TOPBP1: variants seen among roughly 807,000 people sequenced by gnomAD.
The protein encoded by TOPBP1 is DNA topoisomerase 2-binding protein 1.
A neutral mutation model predicts 167.7 loss-of-function variants in TOPBP1; 28 were observed. The observed-to-expected ratio is 0.17, with a 90% CI of 0.12 to 0.23. TOPBP1 has a LOEUF of 0.23. Ranked by LOEUF, TOPBP1 falls within the 10% of genes least tolerant of loss-of-function variation. TOPBP1 has a pLI of 1.00. For missense variants in TOPBP1, 1,554 were observed against 1,809.6 expected, an observed-to-expected ratio of 0.86 and a Z score of 2.56; for synonymous variants, 598 against 611.4, an observed-to-expected ratio of 0.98 and a Z score of 0.32.
At chr3:133,629,458 T>C (rs1382856677) in intron 14 of TOPBP1, among the ~76,000 whole-genome samples, 1 of 152,152 alleles carries the variant, frequency 6.6e-6, no homozygotes, top group Non-Finnish European at 1.5e-5. Context: ...GTGCAGTGGC[T>C]CCTGTCAGTA....
intron 6 of TOPBP1, among the ~76,000 whole-genome samples, chr3:133,654,242 C>T (rs1047128473): frequency 3.2e-4 from 48 of 152,228 alleles, no homozygotes; most frequent in Middle Eastern, 3.4e-3. Flanking sequence ...TAATAAATCC[C>T]AACTTTGAAC....
chr3:133,604,198 G>A lies in TOPBP1; in HGVS notation c.4426-2805C>T, dbSNP rs145897712. Among the ~76,000 whole-genome samples the A allele has an allele frequency of 9.1e-3, 1,378 of 151,794 alleles. 27 individuals are homozygous for A. Among genetic ancestry groups the A allele is most frequent in the African/African-American group, 0.029 (1,221 of 41,414 alleles). On this transcript the variant is annotated intron_variant, in intron 27 of 27. Transcript: ENST00000260810. ...TGCCCAAGCTGGAGTGCAGTGGCGT[G>A]ATCTCGTCTCACTGCAACCTCTGCC...
chr3:133,653,558 T>C (rs750054272), intron 6 of TOPBP1, 34 bp from the exon 7 acceptor site: 2 of 1,463,648 alleles, frequency 1.4e-6, no homozygotes, highest in Non-Finnish European at 1.8e-6. Flanking sequence ...ATAGAGAAAA[T>C]AGGAGAAACC....
In TOPBP1 at chr3:133,608,951, A is replaced by T; in HGVS notation, c.4185T>A (p.Ser1395Arg). 1 of 1,611,400 alleles carries T rather than the reference A, an allele frequency of 6.2e-7. No individual in the cohort carries two copies. The highest frequency in any genetic ancestry group is 8.5e-7 in the Non-Finnish European group (1 of 1,179,062). The change falls in exon 26 of 28, where the codon AGT becomes AGA. Residue 1395 changes from serine to arginine, a missense_variant. This residue lies in a region of TOPBP1 where 351 missense variants were observed against 432.9 expected (regional missense o/e 0.81). Transcript: ENST00000260810. ...QESGIVEGAF[S>R]GWKVILHVDQ... ...CCACATGTAAAATAACCTTCCACCC[A>T]CTAAATGCTCCCTACAAATAAAAAA...
intron 6 of TOPBP1, 105 bp from the exon 7 acceptor site, chr3:133,653,629 ATTTTTTT>A: frequency 1.3e-6 from 1 of 772,954 alleles, no homozygotes; most frequent in South Asian, 2.8e-5. Context: ...ACAGGTTAAT[ATTTTTTT>A]TTTTTTTTTG....
intron 10 of TOPBP1, among the ~76,000 whole-genome samples, chr3:133,645,076 AGTCT>A (rs1163476584): frequency 2.0e-5 from 3 of 152,320 alleles, no homozygotes; most frequent in Admixed American, 6.5e-5. Context: ...TACAAACCAA[AGTCT>A]GTCTAACTCC....
At chr3:133,650,722 T>C (rs1447976356) in intron 8 of TOPBP1, among the ~76,000 whole-genome samples, 1 of 152,184 alleles carries the variant, frequency 6.6e-6, no homozygotes, top group Non-Finnish European at 1.5e-5. Context: ...CTAGAATATA[T>C]TTTAACAAAT....
chr3:133,660,974 G>A, intron 2 of TOPBP1, 70 bp downstream of exon 2: 1 of 1,135,566 alleles, frequency 8.8e-7, no homozygotes, highest in Non-Finnish European at 1.2e-6. Context: ...AAGACATAAA[G>A]CCCAACAAAT....
chr3:133,600,997 A>C lies in TOPBP1; in HGVS notation c.*253T>G. On this transcript the variant is annotated 3_prime_UTR_variant, in exon 28 of 28. Coordinates refer to ENST00000260810, the MANE Select transcript of TOPBP1 (RefSeq NM_007027.4). Reference sequence around the variant, plus strand: ...AATAAATATCTTTTAACAGACTTCAATGTGGTTTAACAGCAAGCTAGCTGA... The same window carrying C: ...AATAAATATCTTTTAACAGACTTCACTGTGGTTTAACAGCAAGCTAGCTGA... 3.8e-6 allele frequency: 1 copy of C among 264,584 alleles called. No individual in the cohort carries two copies. Among genetic ancestry groups the C allele is most frequent in the Non-Finnish European group, 7.1e-6 (1 of 140,268 alleles). The allele number at this position is 264,584 out of a possible 1,614,324, so 16.4% of individuals were successfully genotyped here.
At chr3:133,604,121 C>CTTAT (rs372879387) in intron 27 of TOPBP1, among the ~76,000 whole-genome samples, 7,912 of 150,830 alleles carry the variant, frequency 0.052, 435 homozygotes, top group African/African-American at 0.13. Flanking sequence ...CAGGAATAAA[C>CTTAT]TTATTTATTT....
intron 8 of TOPBP1, 41 bp downstream of exon 8, chr3:133,652,422 T>C (rs1445864250): frequency 1.9e-6 from 3 of 1,600,084 alleles, no homozygotes; most frequent in Non-Finnish European, 2.6e-6. Flanking sequence ...GAAATGCTAA[T>C]GTATATCATC....
intron 27 of TOPBP1, among the ~76,000 whole-genome samples, chr3:133,602,097 C>A (rs939412535): frequency 6.6e-6 from 1 of 152,118 alleles, no homozygotes; most frequent in African/African-American, 2.4e-5. Flanking sequence ...ACAATAGAAC[C>A]TAGAGTTTCT....
intron 7 of TOPBP1, among the ~76,000 whole-genome samples, chr3:133,653,136 TAA>T (rs1372272167): frequency 1.3e-5 from 2 of 152,212 alleles, no homozygotes; most frequent in Non-Finnish European, 2.9e-5. Flanking sequence ...CAACAGAGTA[TAA>T]AAGACAGCAT....
At chr3:133,605,721 C>A (rs996184368) in intron 27 of TOPBP1, among the ~76,000 whole-genome samples, 3 of 152,098 alleles carry the variant, frequency 2.0e-5, no homozygotes, top group African/African-American at 7.2e-5. Flanking sequence ...GACAAGGAGG[C>A]CCAATCTCAC....
chr3:133,615,778 T>C (rs1934850565), intron 23 of TOPBP1, among the ~76,000 whole-genome samples: 1 of 151,648 alleles, frequency 6.6e-6, no homozygotes, highest in Non-Finnish European at 1.5e-5. Context: ...TGTTTCATTT[T>C]ACTTTTTATT....
intron 8 of TOPBP1, among the ~76,000 whole-genome samples, 161 bp from the exon 9 acceptor site, chr3:133,650,104 T>A (rs1413528525): frequency 1.3e-5 from 2 of 152,218 alleles, no homozygotes; most frequent in African/African-American, 2.4e-5. Context: ...TTAACAGTTC[T>A]GCAACTTTGA....
chr3:133,646,567 C>A (rs564638615), intron 10 of TOPBP1, among the ~76,000 whole-genome samples: 7 of 151,064 alleles, frequency 4.6e-5, no homozygotes, highest in Non-Finnish European at 1.0e-4. Context: ...AAGAGAATTG[C>A]GTGAACTCGG....
At chr3:133,626,689 G>A (rs1028651535) in intron 16 of TOPBP1, among the ~76,000 whole-genome samples, 1 of 152,116 alleles carries the variant, frequency 6.6e-6, no homozygotes, top group East Asian at 1.9e-4. Flanking sequence ...GTATACAAAC[G>A]TATTAATACT....
At chr3:133,624,027 T>A in intron 17 of TOPBP1, 25 bp downstream of exon 17, 2 of 1,602,018 alleles carry the variant, frequency 1.2e-6, no homozygotes, top group Non-Finnish European at 8.5e-7. Context: ...TTAACAGAGA[T>A]GGGGGGGAAA....
Sources: allele counts gnomAD v4.1 joint callset (sites outside exome capture counted in the v4.1 genomes callset), GRCh38; gene constraint gnomAD v4.1.1; regional missense constraint gnomAD v4.1.1; transcripts MANE v1.5; gene names NCBI Gene and HGNC (gene_info 2026-07-23, HGNC 2026-07-21).